Variants in CALN1 observed in about 807,000 individuals in gnomAD.
The protein encoded by CALN1 is calneuron 1.
In CALN1, 17 loss-of-function variants were observed where a neutral mutation model predicts 30.6. The ratio of observed to expected loss-of-function variants is 0.56; its 90% CI spans 0.38 to 0.83. The LOEUF is 0.83. Ranked by LOEUF, CALN1 falls within the 40% of genes least tolerant of loss-of-function variation. The pLI, the probability that CALN1 is intolerant of heterozygous loss-of-function variation, is 0.00. For missense variants in CALN1, 291 were observed against 354.9 expected, an observed-to-expected ratio of 0.82 and a Z score of 1.45; for synonymous variants, 156 against 131.4, an observed-to-expected ratio of 1.19 and a Z score of -1.28.
chr7:71,964,390 C>T (rs1451113150), intron 5 of CALN1, among the ~76,000 whole-genome samples: 2 of 152,138 alleles, frequency 1.3e-5, no homozygotes, highest in Admixed American at 1.3e-4. Flanking sequence ...TTGCCGTCTG[C>T]AGACAGCTTG....
intron 1 of CALN1, among the ~76,000 whole-genome samples, chr7:72,427,862 T>C (rs1289663318): frequency 2.0e-5 from 3 of 152,084 alleles, no homozygotes; most frequent in Non-Finnish European, 4.4e-5. Context: ...TCATTTTATG[T>C]AGAATAAAAT....
At chr7:72,457,162 C>A in the CALN1 span, among the ~76,000 whole-genome samples, 1 of 152,066 alleles carries the variant, frequency 6.6e-6, no homozygotes, top group Admixed American at 6.6e-5. Context: ...GCATGTGCCA[C>A]TATGCCCAGC....
chr7:72,465,655 T>C, the CALN1 span, among the ~76,000 whole-genome samples: 3 of 152,214 alleles, frequency 2.0e-5, no homozygotes, highest in Non-Finnish European at 4.4e-5. Flanking sequence ...TCTTCCATCA[T>C]AATAAAGTAC....
chr7:71,950,480 A>G (rs1796634415), intron 5 of CALN1, among the ~76,000 whole-genome samples: 1 of 152,032 alleles, frequency 6.6e-6, no homozygotes, highest in Admixed American at 6.6e-5. Context: ...CCCCATTCCT[A>G]TGACCAATCC....
At chr7:72,466,995 G>A in the CALN1 span, among the ~76,000 whole-genome samples, 1 of 152,136 alleles carries the variant, frequency 6.6e-6, no homozygotes, top group African/African-American at 2.4e-5. Context: ...CCTGGAGGAG[G>A]TGATGTCAGT....
chr7:72,353,908 C>T (rs924429762), intron 2 of CALN1, among the ~76,000 whole-genome samples: 2 of 152,110 alleles, frequency 1.3e-5, no homozygotes, highest in South Asian at 2.1e-4. Context: ...CCATTCAGGC[C>T]GGGCGTAGTG....
chr7:72,433,383 A>G (rs1332764513), intron 1 of CALN1, among the ~76,000 whole-genome samples: 1 of 152,188 alleles, frequency 6.6e-6, no homozygotes, highest in Admixed American at 6.5e-5. Flanking sequence ...ACTGGTTAGA[A>G]GAAACAGGGG....
intron 4 of CALN1, chr7:72,103,489 G>C (rs758343711): frequency 6.7e-6 from 1 of 149,702 alleles, no homozygotes; most frequent in Non-Finnish European, 1.5e-5. Context: ...CAGATCTTAC[G>C]GCTCTACTTA....
chr7:72,353,635 C>T (rs1286575594), intron 2 of CALN1, among the ~76,000 whole-genome samples: 1 of 152,124 alleles, frequency 6.6e-6, no homozygotes, highest in African/African-American at 2.4e-5. Context: ...TGGTTAAAAA[C>T]TGAATGCTTT....
chr7:72,255,935 G>C (rs1420696460), intron 3 of CALN1, among the ~76,000 whole-genome samples: 6 of 151,842 alleles, frequency 4.0e-5, no homozygotes, highest in Admixed American at 3.9e-4. Flanking sequence ...TCACCATGTT[G>C]GTCAGGCTGG....
chr7:71,841,400 TG>T (rs2116497921), intron 5 of CALN1, among the ~76,000 whole-genome samples: 1 of 152,326 alleles, frequency 6.6e-6, no homozygotes, highest in Admixed American at 6.5e-5. Context: ...GGAATCATCA[TG>T]GGCCAATTCC....
At chr7:72,409,387 CCACT>C (rs1331906751) in intron 1 of CALN1, among the ~76,000 whole-genome samples, 2 of 146,646 alleles carry the variant, frequency 1.4e-5, no homozygotes, top group African/African-American at 5.0e-5. Context: ...GTTGGCCAGT[CCACT>C]CAGACTGTAT....
chr7:72,217,088 T>C (rs1165617294), intron 3 of CALN1, among the ~76,000 whole-genome samples: 3 of 152,024 alleles, frequency 2.0e-5, no homozygotes, highest in African/African-American at 4.8e-5. Context: ...TAAGAGGCAA[T>C]AGAGAAAATA....
intron 5 of CALN1, among the ~76,000 whole-genome samples, chr7:71,904,752 A>T (rs1794039345): frequency 6.6e-6 from 1 of 152,234 alleles, no homozygotes; most frequent in Non-Finnish European, 1.5e-5. Context: ...AGCTACATTT[A>T]ATTTATCCCA....
intron 5 of CALN1, among the ~76,000 whole-genome samples, chr7:72,006,850 A>G (rs1254152518): frequency 6.6e-6 from 1 of 152,122 alleles, no homozygotes; most frequent in Non-Finnish European, 1.5e-5. Flanking sequence ...AGTCATCCGC[A>G]TGCCTCCCAG....
At chr7:71,985,981 T>C (rs1798651753) in intron 5 of CALN1, among the ~76,000 whole-genome samples, 1 of 152,158 alleles carries the variant, frequency 6.6e-6, no homozygotes, top group South Asian at 2.1e-4. Flanking sequence ...GATGTATTGA[T>C]GATGGTATAA....
chr7:72,183,213 G>A (rs974490358), intron 3 of CALN1, among the ~76,000 whole-genome samples: 1 of 152,056 alleles, frequency 6.6e-6, no homozygotes, highest in Admixed American at 6.6e-5. Context: ...ACAGGCATGC[G>A]CCACCACGCC....
At chr7:72,426,074 C>G (rs992162506) in intron 1 of CALN1, among the ~76,000 whole-genome samples, 1 of 152,190 alleles carries the variant, frequency 6.6e-6, no homozygotes. Context: ...GGCCAGGAAA[C>G]CAGGAGGGAT....
At chr7:72,232,202 G>A (rs1794155690) in intron 3 of CALN1, among the ~76,000 whole-genome samples, 1 of 152,134 alleles carries the variant, frequency 6.6e-6, no homozygotes. Context: ...TCCGGCAAGG[G>A]GTTTAGATTT....
Sources: allele counts gnomAD v4.1 joint callset (sites outside exome capture counted in the v4.1 genomes callset), GRCh38; gene constraint gnomAD v4.1.1; transcripts MANE v1.5; gene names NCBI Gene and HGNC (gene_info 2026-07-23, HGNC 2026-07-21).